Variants in SAMD7 observed in about 807,000 individuals in gnomAD.
SAMD7 encodes the protein sterile alpha motif domain containing 7.
A neutral mutation model predicts 36.7 loss-of-function variants in SAMD7; 34 were observed. The observed-to-expected ratio is 0.93, with a 90% confidence interval of 0.71 to 1.23. The LOEUF (loss-of-function observed/expected upper bound fraction) is 1.23, where lower values mean the gene tolerates loss of function less well. Ranked by LOEUF, SAMD7 falls within the 50% of genes most tolerant of loss-of-function variation. The pLI is 0.00. For synonymous variants in SAMD7, 188 were observed against 189.7 expected, an observed-to-expected ratio of 0.99 and a Z score of 0.07; for missense variants, 570 against 546.6, an observed-to-expected ratio of 1.04 and a Z score of -0.43.
rs772827245 is a variant in SAMD7, at chr3:169,919,494, C to T, written c.-5C>T. 6.8e-6 allele frequency: 11 copies of T among 1,613,342 alleles called. No homozygotes were observed. The highest frequency in any genetic ancestry group is 5.0e-5 in the Admixed American group (3 of 60,014). On this transcript the variant is annotated 5_prime_UTR_variant, in exon 3 of 9. Transcript: ENST00000335556. ...TGGCGAGAGATATTGAAGACAAACC[C>T]GGTGATGGCTGTGAACCCTTTATTG...
intron 1 of SAMD7, among the ~76,000 whole-genome samples, chr3:169,914,732 C>A (rs769464869): frequency 1.3e-5 from 2 of 152,104 alleles, no homozygotes; most frequent in Non-Finnish European, 2.9e-5. Flanking sequence ...GCACTGAGTT[C>A]TCCCACTTAT....
intron 7 of SAMD7, among the ~76,000 whole-genome samples, chr3:169,931,609 C>T (rs367721769): frequency 6.6e-6 from 1 of 152,074 alleles, no homozygotes; most frequent in Non-Finnish European, 1.5e-5. Context: ...TGTGAGCCAC[C>T]GCACCTGGCT....
intron 8 of SAMD7, 87 bp from the exon 9 acceptor site, chr3:169,938,231 C>G (rs1291462348): frequency 1.2e-6 from 1 of 834,616 alleles, no homozygotes. Flanking sequence ...CCTGAAATTA[C>G]CTCAGCCTCT....
At position 169,938,334 on chromosome 3, in the gene SAMD7, G is replaced by A; in HGVS notation, c.1169G>A (p.Gly390Glu). 6.2e-7 allele frequency: 1 copy of A among 1,606,352 alleles called. No individual in the cohort carries two copies. Among genetic ancestry groups the A allele is most frequent in the Admixed American group, 1.7e-5 (1 of 59,026 alleles). The stretch of plus-strand genomic sequence containing the variant: ...TCTTAAAAGGTATCTCAGCATGTGG[G>A]AAGTATGTTCTACAAGAAAACTCTT... ...KIQSQVSQHV[G>E]SMFYKKTLSF... Residue 390 changes from glycine (G) to glutamate (E), a missense_variant, in exon 9 of 9, where the codon GGA (glycine) becomes GAA (glutamate). Coordinates refer to ENST00000335556, the MANE Select transcript of SAMD7 (RefSeq NM_001304366.2).
chr3:169,938,436 C>G lies in SAMD7; in HGVS notation c.1271C>G (p.Thr424Arg). Residue 424 changes from threonine (T) to arginine (R), a missense_variant, in exon 9 of 9, where the codon ACA becomes AGA. Thr to Arg is a moderately conservative substitution (Grantham distance 71). Transcript: ENST00000335556. ...CTGGATCCTAATTCCTGGAGTGATA[C>G]AATGAACATTTTTTGTCCCCAGGAT... ...PLLDPNSWSDTMNIFCPQDTI... is the reference protein window; with the variant it reads ...PLLDPNSWSDRMNIFCPQDTI... The G allele has an allele frequency of 6.2e-7, 1 of 1,612,590 alleles. No homozygotes were observed. Among genetic ancestry groups the G allele is most frequent in the Non-Finnish European group, 8.5e-7 (1 of 1,178,618 alleles).
At chr3:169,919,993 A>G (rs1712980456) in intron 3 of SAMD7, among the ~76,000 whole-genome samples, 1 of 152,110 alleles carries the variant, frequency 6.6e-6, no homozygotes, top group Non-Finnish European at 1.5e-5. Flanking sequence ...ACCAAAATGG[A>G]GAAACCCCAT....
intron 2 of SAMD7, among the ~76,000 whole-genome samples, chr3:169,918,098 T>A (rs540420763): frequency 4.7e-4 from 72 of 151,888 alleles, no homozygotes; most frequent in Admixed American, 3.1e-3. Flanking sequence ...CCACCACACT[T>A]GGCTAATTTT....
chr3:169,921,392 G>A (rs1713038036), intron 4 of SAMD7, 54 bp downstream of exon 4: 9 of 1,564,960 alleles, frequency 5.8e-6, no homozygotes, highest in Non-Finnish European at 7.9e-6. Flanking sequence ...GAACTGGATG[G>A]ATGCATTAAG....
In SAMD7 at chr3:169,938,492, A is replaced by C. The variant is rs761300912; in HGVS notation, c.1327A>C (p.Ser443Arg). ...AATTCCTAAAGGAATTGAGCGAGGT[A>C]GTATGAGAAACTAAAAGCCCTCAAG... ...TIIPKGIERG[S>R]MRN The change falls in exon 9 of 9, where the codon AGT becomes CGT. Residue 443 changes from serine (S) to arginine (R), a missense_variant. Transcript: ENST00000335556. The C allele has an allele frequency of 6.2e-7, 1 of 1,608,428 alleles. No individual in the cohort carries two copies. The highest frequency in any genetic ancestry group is 1.7e-5 in the Admixed American group (1 of 59,234).
Position 169,927,173 on chromosome 3 carries a change from C to T in SAMD7, c.911C>T (p.Ser304Phe), listed in dbSNP as rs1713304239. 6.6e-7 allele frequency: 1 copy of T among 1,526,264 alleles called. No homozygotes were observed. The highest frequency in any genetic ancestry group is 8.8e-7 in the Non-Finnish European group (1 of 1,141,480). The allele number at this position is 1,526,264 out of a possible 1,614,324, so 94.5% of individuals were successfully genotyped here. A position where few individuals can be genotyped will look rare whatever the true frequency, so the allele number is the denominator to read the frequency against. Residue 304 changes from serine to phenylalanine, a missense_variant, in exon 6 of 9, where the codon TCT becomes TTT. Coordinates refer to ENST00000335556, the MANE Select transcript of SAMD7 (RefSeq NM_001304366.2). ...GTTTGCCCTCCAGTTCCTCGACCATCTCTGCCAGGTGGGTGTCCAGGGGCC... is the reference window on the plus strand; with the variant it reads ...GTTTGCCCTCCAGTTCCTCGACCATTTCTGCCAGGTGGGTGTCCAGGGGCC... ...NGVCPPVPRP[S>F]LPGTHALVTI...
chr3:169,916,399 G>T (rs1249838189), intron 2 of SAMD7, among the ~76,000 whole-genome samples: 1 of 152,148 alleles, frequency 6.6e-6, no homozygotes, highest in Non-Finnish European at 1.5e-5. Context: ...TAATCCCAGT[G>T]CTATGGGAGG....
At chr3:169,915,023 C>T (rs1255989530) in intron 1 of SAMD7, among the ~76,000 whole-genome samples, 2 of 152,178 alleles carry the variant, frequency 1.3e-5, no homozygotes, top group East Asian at 3.9e-4. Flanking sequence ...ACCTGCATCT[C>T]CCTTTCTCAG....
intron 6 of SAMD7, 95 bp downstream of exon 6, chr3:169,927,276 T>C (rs1336211423): frequency 1.3e-6 from 1 of 797,398 alleles, no homozygotes; most frequent in African/African-American, 1.8e-5. Context: ...CCTGCCTCTT[T>C]TTATCTTTCT....
rs183958350 is a variant in SAMD7, at chr3:169,925,828, T to C, written c.290+692T>C. ...ATAATTAAAATGCCTACGACTCCTC[T>C]GAAATTCATATTGGCATTACTGTCT... On this transcript the variant is annotated intron_variant, in intron 5 of 8. Coordinates refer to ENST00000335556, the MANE Select transcript of SAMD7 (RefSeq NM_001304366.2). 1.8e-4 allele frequency among the ~76,000 whole-genome samples: 28 copies of C among 152,328 alleles called. No homozygotes were observed. The Middle Eastern group carries it at 0.01, about 56-fold the overall frequency.
intron 4 of SAMD7, among the ~76,000 whole-genome samples, chr3:169,921,998 A>G (rs1001662627): frequency 2.0e-5 from 3 of 152,230 alleles, no homozygotes; most frequent in Admixed American, 1.3e-4. Flanking sequence ...GAAGAAAGAG[A>G]TACTAAGAAT....
chr3:169,928,720 G>C, intron 7 of SAMD7, 142 bp downstream of exon 7: 2 of 854,690 alleles, frequency 2.3e-6, no homozygotes, highest in Non-Finnish European at 3.6e-6. Flanking sequence ...TCTACCCTGG[G>C]ACAGGTCTCT....
chr3:169,919,608 T>C lies in SAMD7; in HGVS notation c.86+24T>C, dbSNP rs760851721. The C allele has an allele frequency of 2.6e-6, 4 of 1,518,702 alleles. No homozygotes were observed. The African/African-American group carries it at 5.5e-5, about 21-fold the overall frequency. 94.1% of individuals were successfully genotyped at this position (1,518,702 alleles called of 1,614,324 possible). ...AGGTATTTCTCTTCAATATAATAGT[T>C]TGATCAAAGAACAACATGGACAATC... On this transcript the variant is annotated intron_variant, in intron 3 of 8. Coordinates refer to ENST00000335556, the MANE Select transcript of SAMD7 (RefSeq NM_001304366.2).
chr3:169,933,068 A>G, intron 7 of SAMD7: 1 of 901,292 alleles, frequency 1.1e-6, no homozygotes, highest in Non-Finnish European at 1.8e-6. Flanking sequence ...AGTCTACCTT[A>G]AAATCTGCCA....
chr3:169,937,309 G>A (rs562778832), intron 8 of SAMD7, among the ~76,000 whole-genome samples: 1 of 151,914 alleles, frequency 6.6e-6, no homozygotes, highest in East Asian at 1.9e-4. Context: ...TTGTTGCACA[G>A]GTAAACATGT....
Sources: gnomAD v4.1 joint callset for allele counts (sites outside exome capture counted in the v4.1 genomes callset) on GRCh38, gnomAD v4.1.1 for gene constraint, MANE v1.5 for transcripts, NCBI Gene and HGNC (gene_info 2026-07-23, HGNC 2026-07-21) for gene names.